The following PTPRD variants were observed in gnomAD, a reference collection of about 807,000 sequenced individuals.
PTPRD encodes the protein receptor-type tyrosine-protein phosphatase delta.
Under a neutral mutation model 214.5 loss-of-function variants are expected in PTPRD, and 34 were observed. That is an observed-to-expected ratio of 0.16 (90% CI 0.12 to 0.21). The LOEUF is 0.21. Among genes scored for constraint, PTPRD ranks in the 10% least tolerant of loss-of-function variants. The probability of loss-of-function intolerance (pLI) is 1.00; values close to 1 mark genes in which losing one functional copy is unlikely to be tolerated. For missense variants in PTPRD, 2,545 were observed against 2,398.7 expected (o/e 1.06, Z -1.27); for synonymous variants, 1,128 against 845.7 (o/e 1.33, Z -5.79).
In PTPRD at chr9:9,174,414, T is replaced by C. The variant is rs906395153; in HGVS notation, c.-143+8890A>G. On this transcript the variant is annotated intron_variant, in intron 10 of 45. Coordinates refer to ENST00000381196, the MANE Select transcript of PTPRD (RefSeq NM_002839.4). ...TTACTATGCTTACATACTTTTATTTTAATCAAGGTAAATCATTTATACATA... is the reference window on the plus strand; with the variant it reads ...TTACTATGCTTACATACTTTTATTTCAATCAAGGTAAATCATTTATACATA... Among the ~76,000 whole-genome samples, 41 of 152,338 alleles carry C rather than the reference T, an allele frequency of 2.7e-4. 1 individual carries two copies. Among genetic ancestry groups the C allele is most frequent in the Non-Finnish European group, 4.4e-4 (30 of 68,030 alleles).
intron 40 of PTPRD, 151 bp downstream of exon 40, chr9:8,341,542 G>T: frequency 7.4e-6 from 7 of 945,144 alleles, no homozygotes; most frequent in Non-Finnish European, 1.1e-5. Flanking sequence ...AGAGGAAAAG[G>T]GGAGGAATAC....
intron 12 of PTPRD, among the ~76,000 whole-genome samples, chr9:8,647,805 G>C (rs193246918): frequency 6.6e-6 from 1 of 152,086 alleles, no homozygotes; most frequent in South Asian, 2.1e-4. Flanking sequence ...TTTATCATTG[G>C]CCATATTTTT....
At chr9:10,440,871 A>G (rs2098753573) in intron 2 of PTPRD, among the ~76,000 whole-genome samples, 1 of 151,774 alleles carries the variant, frequency 6.6e-6, no homozygotes, top group Non-Finnish European at 1.5e-5. Context: ...CTAATTTATA[A>G]GTAGAAAGAT....
At chr9:9,907,859 C>T (rs1156720052) in intron 5 of PTPRD, among the ~76,000 whole-genome samples, 1 of 151,946 alleles carries the variant, frequency 6.6e-6, no homozygotes, top group African/African-American at 2.4e-5. Flanking sequence ...TTTCATCACT[C>T]ATACCAGTAA....
intron 9 of PTPRD, among the ~76,000 whole-genome samples, chr9:9,335,021 G>C (rs1679071074): frequency 1.3e-5 from 2 of 151,964 alleles, no homozygotes; most frequent in Non-Finnish European, 2.9e-5. Flanking sequence ...CAAAAGCAAA[G>C]ACTTCACCTG....
Position 8,317,809 on chromosome 9 carries a change from G to T in PTPRD, c.*65C>A, listed in dbSNP as rs2130433410. 1 of 1,467,630 alleles carries T rather than the reference G, an allele frequency of 6.8e-7. No homozygotes were observed. The highest frequency in any genetic ancestry group is 9.5e-7 in the Non-Finnish European group (1 of 1,048,216). 90.9% of individuals were successfully genotyped at this position (1,467,630 alleles called of 1,614,324 possible). A position where few individuals can be genotyped will look rare whatever the true frequency, so the allele number is the denominator to read the frequency against. ...AAGGACTTCTCAAGTGCCCTGTATG[G>T]CTCAGAAGAGACTCCATGGATATTG... On this transcript the variant is annotated 3_prime_UTR_variant, in exon 46 of 46. Transcript: ENST00000381196.
chr9:8,990,943 A>C (rs2099363980), intron 11 of PTPRD, among the ~76,000 whole-genome samples: 1 of 152,070 alleles, frequency 6.6e-6, no homozygotes, highest in South Asian at 2.1e-4. Context: ...GGCCAGGCAC[A>C]GTGGCTCATG....
intron 2 of PTPRD, among the ~76,000 whole-genome samples, chr9:10,375,430 A>C (rs1535665): frequency 1.5e-4 from 23 of 151,738 alleles, no homozygotes; most frequent in African/African-American, 5.1e-4. Flanking sequence ...TTTAATAACC[A>C]TGAGACTACC....
intron 4 of PTPRD, among the ~76,000 whole-genome samples, chr9:10,024,138 G>A (rs1424342257): frequency 6.6e-6 from 1 of 151,918 alleles, no homozygotes; most frequent in Non-Finnish European, 1.5e-5. Flanking sequence ...TTTTTAATGT[G>A]GGATAACAAA....
rs550866294 is a variant in PTPRD at position 9,818,113 on chromosome 9, C to T, written c.-367-51262G>A. Among the ~76,000 whole-genome samples, 8 of 152,258 alleles carry T rather than the reference C, an allele frequency of 5.3e-5. No individual in the cohort carries two copies. The South Asian group carries it at 1.7e-3, about 32-fold the overall frequency. ...AGCTGATAATCCATCTAAATGCCCT[C>T]TGAGTATCACTGACATGGAGAATGA... On this transcript the variant is annotated intron_variant, in intron 5 of 45. Coordinates refer to ENST00000381196, the MANE Select transcript of PTPRD (RefSeq NM_002839.4).
chr9:9,718,620 G>A (rs951266085), intron 7 of PTPRD, among the ~76,000 whole-genome samples: 1 of 152,196 alleles, frequency 6.6e-6, no homozygotes, highest in Non-Finnish European at 1.5e-5. Context: ...CCACTCCCTG[G>A]CCTCTCCCTG....
intron 10 of PTPRD, among the ~76,000 whole-genome samples, chr9:9,106,612 CAAA>C (rs5896301): frequency 2.1e-4 from 15 of 71,648 alleles, no homozygotes; most frequent in Admixed American, 3.9e-4. Context: ...ATTCCATAGG[CAAA>C]AAAAAAAAAA....
intron 11 of PTPRD, among the ~76,000 whole-genome samples, chr9:8,820,788 A>G (rs1442437308): frequency 6.6e-6 from 1 of 152,152 alleles, no homozygotes; most frequent in Non-Finnish European, 1.5e-5. Context: ...ACAAGACTCA[A>G]AGAGTAGAGT....
chr9:8,855,760 A>G (rs1306975728), intron 11 of PTPRD, among the ~76,000 whole-genome samples: 2 of 152,120 alleles, frequency 1.3e-5, no homozygotes, highest in Admixed American at 6.5e-5. Context: ...AAGATCTACA[A>G]TTAATAACAC....
intron 30 of PTPRD, among the ~76,000 whole-genome samples, chr9:8,471,522 T>C (rs2096652867): frequency 6.6e-6 from 1 of 152,178 alleles, no homozygotes; most frequent in South Asian, 2.1e-4. Flanking sequence ...AAATACCTAG[T>C]AGTGCTGTTG....
chr9:8,404,451 G>T, intron 36 of PTPRD, 86 bp downstream of exon 36: 1 of 1,500,712 alleles, frequency 6.7e-7, no homozygotes. Context: ...TTCAGAGATG[G>T]TTAATAACCT....
At chr9:8,850,728 G>T (rs1233215153) in intron 11 of PTPRD, among the ~76,000 whole-genome samples, 2 of 152,176 alleles carry the variant, frequency 1.3e-5, no homozygotes, top group African/African-American at 4.8e-5. Flanking sequence ...AACCAGAGAA[G>T]TCTGAATTGG....
chr9:9,989,210 T>C (rs1405062018), intron 4 of PTPRD, among the ~76,000 whole-genome samples: 1 of 151,964 alleles, frequency 6.6e-6, no homozygotes, highest in East Asian at 1.9e-4. Context: ...AAATACTGGG[T>C]AGAAGTGGAT....
intron 27 of PTPRD, among the ~76,000 whole-genome samples, chr9:8,490,356 G>C (rs1366563143): frequency 6.6e-6 from 1 of 152,136 alleles, no homozygotes; most frequent in East Asian, 1.9e-4. Context: ...TTACTTTTTA[G>C]CAATTGGAAT....
Sources: gnomAD v4.1 joint callset for allele counts (sites outside exome capture counted in the v4.1 genomes callset) on GRCh38, gnomAD v4.1.1 for gene constraint, MANE v1.5 for transcripts, NCBI Gene and HGNC (gene_info 2026-07-23, HGNC 2026-07-21) for gene names.